Variants in CREB5 observed in about 807,000 individuals in gnomAD.
The protein encoded by CREB5 is cAMP responsive element binding protein 5, also known as cyclic AMP-responsive element-binding protein 5.
Under a neutral mutation model 57.1 loss-of-function variants are expected in CREB5, and 19 were observed. The observed-to-expected ratio is 0.33, with a 90% CI of 0.23 to 0.49. CREB5 has a LOEUF of 0.49. Among genes scored for constraint, CREB5 ranks in the 20% least tolerant of loss-of-function variants. The pLI, the probability that CREB5 is intolerant of heterozygous loss-of-function variation, is 0.99. For missense variants in CREB5, 579 were observed against 671.6 expected, an observed-to-expected ratio of 0.86 and a Z score of 1.52; for synonymous variants, 238 against 238.3, an observed-to-expected ratio of 1.00 and a Z score of 0.01.
chr7:28,476,246 A>G (rs1174005670), intron 1 of CREB5, among the ~76,000 whole-genome samples: 2 of 152,240 alleles, frequency 1.3e-5, no homozygotes, highest in African/African-American at 4.8e-5. Context: ...TTGCTGGATT[A>G]TCAGAGAATC....
chr7:28,691,419 CCAAAAAAAAAAA>C (rs1801251395), intron 5 of CREB5, among the ~76,000 whole-genome samples: 1 of 91,996 alleles, frequency 1.1e-5, no homozygotes, highest in Non-Finnish European at 2.2e-5. Context: ...GACTCTGTCT[CCAAAAAAAAAAA>C]AAAAAAAAAA....
chr7:28,491,547 T>C (rs1791810159), intron 2 of CREB5, among the ~76,000 whole-genome samples: 1 of 152,216 alleles, frequency 6.6e-6, no homozygotes, highest in Admixed American at 6.5e-5. Flanking sequence ...CAAAGTTTCT[T>C]GATTTTAAGG....
intron 5 of CREB5, among the ~76,000 whole-genome samples, chr7:28,718,048 A>G (rs1802801681): frequency 6.6e-6 from 1 of 152,220 alleles, no homozygotes; most frequent in Admixed American, 6.5e-5. Context: ...TCCCCCGAGG[A>G]GTGCTTACCC....
At chr7:28,791,972 A>C (rs1478720434) in intron 7 of CREB5, among the ~76,000 whole-genome samples, 2 of 152,180 alleles carry the variant, frequency 1.3e-5, no homozygotes, top group African/African-American at 4.8e-5. Flanking sequence ...GAGACGTAAA[A>C]AGATAGCTTA....
chr7:28,604,891 G>A (rs1797068824), intron 5 of CREB5, among the ~76,000 whole-genome samples: 1 of 152,036 alleles, frequency 6.6e-6, no homozygotes, highest in African/African-American at 2.4e-5. Flanking sequence ...AGATGTAAAT[G>A]ATTTAGTATT....
intron 7 of CREB5, among the ~76,000 whole-genome samples, chr7:28,738,995 A>G (rs1402520390): frequency 2.0e-5 from 3 of 152,230 alleles, no homozygotes; most frequent in Admixed American, 1.3e-4. Flanking sequence ...TCAAGAACTT[A>G]CAGTCCAATA....
intron 4 of CREB5, among the ~76,000 whole-genome samples, chr7:28,567,949 C>A (rs1295608428): frequency 6.6e-6 from 1 of 152,072 alleles, no homozygotes; most frequent in Non-Finnish European, 1.5e-5. Context: ...GGGAGGGGAA[C>A]CTCACAAATG....
chr7:28,317,747 T>A (rs1785410200), intron 1 of CREB5, among the ~76,000 whole-genome samples: 1 of 152,240 alleles, frequency 6.6e-6, no homozygotes, highest in East Asian at 1.9e-4. Context: ...TATTTTTCAA[T>A]AATAATGTAC....
At chr7:28,317,106 C>T (rs1307588668) in intron 1 of CREB5, among the ~76,000 whole-genome samples, 1 of 151,432 alleles carries the variant, frequency 6.6e-6, no homozygotes, top group Non-Finnish European at 1.5e-5. Flanking sequence ...CCCATCCCAT[C>T]TCCTCCCTGG....
intron 7 of CREB5, among the ~76,000 whole-genome samples, chr7:28,767,529 A>G (rs1806070210): frequency 1.3e-5 from 2 of 152,204 alleles, no homozygotes; most frequent in Non-Finnish European, 2.9e-5. Context: ...ATTCAGCCCA[A>G]CATGGCCCTA....
intron 1 of CREB5, among the ~76,000 whole-genome samples, chr7:28,388,036 T>G (rs906947021): frequency 6.6e-6 from 1 of 152,232 alleles, no homozygotes; most frequent in South Asian, 2.1e-4. Context: ...TTTGTACTTT[T>G]GGATTTTAAG....
chr7:28,523,137 A>G (rs955137630), intron 4 of CREB5, among the ~76,000 whole-genome samples: 1 of 152,232 alleles, frequency 6.6e-6, no homozygotes, highest in African/African-American at 2.4e-5. Context: ...TTGGGTGAGC[A>G]CTGCCCTGGG....
At chr7:28,677,130 C>G (rs1009872713) in intron 5 of CREB5, among the ~76,000 whole-genome samples, 1 of 152,176 alleles carries the variant, frequency 6.6e-6, no homozygotes, top group Middle Eastern at 3.2e-3. Flanking sequence ...GAAATCACAG[C>G]TCCTTTAGAG....
chr7:28,628,330 G>T (rs1313784509), intron 5 of CREB5, among the ~76,000 whole-genome samples: 1 of 152,046 alleles, frequency 6.6e-6, no homozygotes, highest in Non-Finnish European at 1.5e-5. Flanking sequence ...TACCACTGGG[G>T]CAGCTACAGC....
In CREB5 at chr7:28,517,715, T is replaced by C. The variant is rs529388303; in HGVS notation, c.291+9978T>C. On this transcript the variant is annotated intron_variant, in intron 4 of 10. Coordinates refer to ENST00000357727, the MANE Select transcript of CREB5 (RefSeq NM_182898.4). ...CACCTCCTGTCTGCAGTGGAATATC[T>C]GTCGCAGGCTTCTCTGCTTGACTGT... 5.9e-5 allele frequency among the ~76,000 whole-genome samples: 9 copies of C among 152,290 alleles called. No homozygotes were observed. In the South Asian group the frequency reaches 1.9e-3, roughly 32 times the overall value.
chr7:28,571,171 A>G (rs978118704), intron 5 of CREB5, among the ~76,000 whole-genome samples: 3 of 152,126 alleles, frequency 2.0e-5, no homozygotes, highest in Non-Finnish European at 4.4e-5. Context: ...ATAGCTTGGG[A>G]CAGCATGAAG....
chr7:28,630,907 A>G (rs1798176240), intron 5 of CREB5, among the ~76,000 whole-genome samples: 1 of 152,214 alleles, frequency 6.6e-6, no homozygotes, highest in South Asian at 2.1e-4. Flanking sequence ...TGTATGGTAC[A>G]GAACGCTATG....
intron 7 of CREB5, chr7:28,749,527 A>G (rs1486507218): frequency 6.6e-6 from 1 of 152,250 alleles, no homozygotes; most frequent in African/African-American, 2.4e-5. Context: ...CGTGGATGAA[A>G]TTATTATTGA....
intron 1 of CREB5, among the ~76,000 whole-genome samples, chr7:28,309,081 C>T (rs1348382406): frequency 1.3e-5 from 2 of 152,164 alleles, no homozygotes; most frequent in Non-Finnish European, 2.9e-5. Flanking sequence ...TCCTGGGTCT[C>T]CAGACTGCCC....
Sources: gnomAD v4.1 joint callset for allele counts (sites outside exome capture counted in the v4.1 genomes callset) on GRCh38, gnomAD v4.1.1 for gene constraint, MANE v1.5 for transcripts, NCBI Gene and HGNC (gene_info 2026-07-23, HGNC 2026-07-21) for gene names.